KLHDC2: variants seen among roughly 807,000 people sequenced by gnomAD.
KLHDC2 encodes kelch domain-containing protein 2.
A neutral mutation model predicts 62.3 loss-of-function variants in KLHDC2; 38 were observed. The ratio of observed to expected loss-of-function variants is 0.61; its 90% CI spans 0.47 to 0.80. The LOEUF (loss-of-function observed/expected upper bound fraction) is 0.80, where lower values mean the gene tolerates loss of function less well. Ranked by LOEUF, KLHDC2 falls within the 30% of genes least tolerant of loss-of-function variation. The pLI is 0.00. For synonymous variants in KLHDC2, 159 were observed against 161.0 expected (o/e 0.99, Z 0.09); for missense variants, 430 against 495.3 (o/e 0.87, Z 1.25).
intron 2 of KLHDC2, among the ~76,000 whole-genome samples, chr14:49,772,810 G>A (rs140675355): frequency 5.4e-4 from 82 of 152,162 alleles, no homozygotes; most frequent in African/African-American, 2.0e-3. Context: ...ACAAAAATTA[G>A]CCAGGCATGA....
Position 49,784,768 on chromosome 14 carries a change from CT to C in KLHDC2, c.*1819del. ...ACATCCTGTATGGTCAATCATGTTTCTTTTATGACAAAAACGAAAAACATTT... is the reference window on the plus strand; with the variant it reads ...ACATCCTGTATGGTCAATCATGTTTCTTTATGACAAAAACGAAAAACATTT... On this transcript the variant is annotated 3_prime_UTR_variant, in exon 13 of 13. Transcript: ENST00000298307. The C allele has an allele frequency of 6.6e-7, 1 of 1,516,488 alleles. No homozygotes were observed. Among genetic ancestry groups the C allele is most frequent in the Non-Finnish European group, 9.1e-7 (1 of 1,102,498 alleles). 93.9% of individuals were successfully genotyped at this position (1,516,488 alleles called of 1,614,324 possible). A position where few individuals can be genotyped will look rare whatever the true frequency, so the allele number is the denominator to read the frequency against.
chr14:49,778,335 T>G (rs772404625), intron 5 of KLHDC2, 76 bp downstream of exon 5: 5 of 1,349,468 alleles, frequency 3.7e-6, no homozygotes, highest in Non-Finnish European at 5.2e-6. Flanking sequence ...TTGTGCATTT[T>G]TCTTTGGTAA....
intron 2 of KLHDC2, among the ~76,000 whole-genome samples, chr14:49,772,944 A>G (rs1336252414): frequency 6.6e-6 from 1 of 152,090 alleles, no homozygotes; most frequent in African/African-American, 2.4e-5. Context: ...TAATACAGTG[A>G]GACTCCCTCT....
chr14:49,773,107 A>G (rs1467135053), intron 2 of KLHDC2, among the ~76,000 whole-genome samples: 1 of 152,032 alleles, frequency 6.6e-6, no homozygotes, highest in East Asian at 1.9e-4. Flanking sequence ...AGAATGCTAC[A>G]TATTTTTAAA....
At chr14:49,779,367 A>G (rs1889839607) in intron 6 of KLHDC2, among the ~76,000 whole-genome samples, 1 of 152,256 alleles carries the variant, frequency 6.6e-6, no homozygotes, top group Non-Finnish European at 1.5e-5. Context: ...GAAAAAATAA[A>G]GCAGCCTATT....
intron 1 of KLHDC2, among the ~76,000 whole-genome samples, chr14:49,769,401 C>G (rs1426303952): frequency 2.0e-5 from 3 of 152,198 alleles, no homozygotes; most frequent in African/African-American, 7.2e-5. Flanking sequence ...AGTCCTACCA[C>G]AAAATTCCTC....
Position 49,774,827 on chromosome 14 carries a change from A to G in KLHDC2, c.351+149A>G. On this transcript the variant is annotated intron_variant, in intron 3 of 12. Coordinates refer to ENST00000298307, the MANE Select transcript of KLHDC2 (RefSeq NM_014315.3). Reference sequence around the variant, plus strand: ...TTATGATATGAATGTGCATTTTAGTATTTTGTGTGCCAATCTGTATTTACC... The same window carrying G: ...TTATGATATGAATGTGCATTTTAGTGTTTTGTGTGCCAATCTGTATTTACC... The G allele has an allele frequency of 7.1e-6, 5 of 699,438 alleles. No individual in the cohort carries two copies. In the South Asian group the frequency reaches 8.2e-5, roughly 11 times the overall value. The allele number at this position is 699,438 out of a possible 1,614,324, so 43.3% of individuals were successfully genotyped here.
chr14:49,784,050 G>A lies in KLHDC2; in HGVS notation c.*1097G>A. On this transcript the variant is annotated 3_prime_UTR_variant, in exon 13 of 13. Transcript: ENST00000298307. ...TCACTGTTCAGTTTCTTTACATCAT[G>A]AAATGAATACTTGGTATTAACCTCC... The A allele has an allele frequency of 6.6e-6, 1 of 151,592 alleles. No homozygotes were observed. The highest frequency in any genetic ancestry group is 1.9e-4 in the East Asian group (1 of 5,184). The allele number at this position is 151,592 out of a possible 1,614,324, so 9.4% of individuals were successfully genotyped here. A position where few individuals can be genotyped will look rare whatever the true frequency, so the allele number is the denominator to read the frequency against.
intron 3 of KLHDC2, 91 bp from the exon 4 acceptor site, chr14:49,777,748 G>A: frequency 1.4e-6 from 1 of 699,528 alleles, no homozygotes; most frequent in Non-Finnish European, 2.4e-6. Flanking sequence ...GAATTAGATG[G>A]CACTCTTATC....
At position 49,784,490 on chromosome 14, in the gene KLHDC2, GAAGT is replaced by G. The variant is rs533008873; in HGVS notation, c.*1542_*1545del. The G allele has an allele frequency of 1.5e-4, 92 of 598,760 alleles. 1 individual carries two copies. In the East Asian group the frequency reaches 2.1e-3, roughly 14 times the overall value. 37.1% of individuals were successfully genotyped at this position (598,760 alleles called of 1,614,324 possible). ...TCTATATAAAACTGGGAAAAAACAA[GAAGT>G]AAGTCCTTTTGGTGAATATAGCAAG... On this transcript the variant is annotated 3_prime_UTR_variant, in exon 13 of 13. Transcript: ENST00000298307.
At position 49,777,748 on chromosome 14, in the gene KLHDC2, G is replaced by C. The variant is rs953296397; in HGVS notation, c.352-91G>C. On this transcript the variant is annotated intron_variant, in intron 3 of 12. Transcript: ENST00000298307. The stretch of plus-strand genomic sequence containing the variant: ...AATTTCAGTAGCACTGAATTAGATG[G>C]CACTCTTATCATAAATCATAGTAAA... 4.3e-5 allele frequency: 30 copies of C among 699,528 alleles called. No homozygotes were observed. The Middle Eastern group carries it at 1.3e-3, about 30-fold the overall frequency. 43.3% of individuals were successfully genotyped at this position (699,528 alleles called of 1,614,324 possible). A position where few individuals can be genotyped will look rare whatever the true frequency, so the allele number is the denominator to read the frequency against.
In KLHDC2 at chr14:49,785,215, C is replaced by T; in HGVS notation, c.*2262C>T. On this transcript the variant is annotated 3_prime_UTR_variant, in exon 13 of 13. Coordinates refer to ENST00000298307, the MANE Select transcript of KLHDC2 (RefSeq NM_014315.3). ...AAGCCATTCTGTCAACTAATGGTAA[C>T]TTACTTGTAGTTTGTCATGGTGGTG... is the stretch of plus-strand genomic sequence containing the variant. The T allele has an allele frequency of 1.9e-6, 3 of 1,610,872 alleles. No individual in the cohort carries two copies. Among genetic ancestry groups the T allele is most frequent in the Non-Finnish European group, 2.5e-6 (3 of 1,177,112 alleles).
In KLHDC2 at chr14:49,771,682, G is replaced by A. The variant is rs1372056991; in HGVS notation, c.233+9G>A. The stretch of plus-strand genomic sequence containing the variant: ...ATGGAGACTGGAAGATGGTAAATGT[G>A]GATATTATAAGGGGGACTAAAAAAT... On this transcript the variant is annotated intron_variant, in intron 2 of 12. Coordinates refer to ENST00000298307, the MANE Select transcript of KLHDC2 (RefSeq NM_014315.3). 2 of 1,394,572 alleles carry A rather than the reference G, an allele frequency of 1.4e-6. No individual in the cohort carries two copies. Among genetic ancestry groups the A allele is most frequent in the East Asian group, 4.6e-5 (2 of 43,808 alleles). 86.4% of individuals were successfully genotyped at this position (1,394,572 alleles called of 1,614,324 possible).
intron 10 of KLHDC2, among the ~76,000 whole-genome samples, chr14:49,781,133 G>A (rs1433825750): frequency 2.0e-5 from 3 of 152,190 alleles, no homozygotes; most frequent in Non-Finnish European, 4.4e-5. Context: ...AGCACTTTAG[G>A]AGGCTGAGGC....
At chr14:49,770,312 A>G (rs2139788292) in intron 1 of KLHDC2, among the ~76,000 whole-genome samples, 1 of 152,290 alleles carries the variant, frequency 6.6e-6, no homozygotes, top group African/African-American at 2.4e-5. Flanking sequence ...ATTGTTTCAA[A>G]GGCAATAAAC....
In KLHDC2 at chr14:49,780,812, G is replaced by A. The variant is rs773954824; in HGVS notation, c.956+37G>A. 7.3e-5 allele frequency: 81 copies of A among 1,103,708 alleles called. No homozygotes were observed. The Admixed American group carries it at 1.3e-3, about 17-fold the overall frequency. The allele number at this position is 1,103,708 out of a possible 1,614,324, so 68.4% of individuals were successfully genotyped here. On this transcript the variant is annotated intron_variant, in intron 10 of 12. Coordinates refer to ENST00000298307, the MANE Select transcript of KLHDC2 (RefSeq NM_014315.3). ...CAATTCATATACTGAATATGCATAA[G>A]ACATAAGAATTGAGGTTTTGGCTGC... is the stretch of plus-strand genomic sequence containing the variant.
intron 6 of KLHDC2, among the ~76,000 whole-genome samples, chr14:49,779,321 GATATT>G (rs1480964999): frequency 6.6e-6 from 1 of 152,106 alleles, no homozygotes; most frequent in Non-Finnish European, 1.5e-5. Context: ...CTTTGACGCA[GATATT>G]ATATAATATG....
rs909118228 is a variant in KLHDC2, at chr14:49,771,515, T to A, written c.154-79T>A. Reference sequence around the variant, plus strand: ...TTTCATACTAATTATGAAATTAGTATCTCAAGATCGATTTAAAAAATACAG... The same window carrying A: ...TTTCATACTAATTATGAAATTAGTAACTCAAGATCGATTTAAAAAATACAG... On this transcript the variant is annotated intron_variant, in intron 1 of 12. Coordinates refer to ENST00000298307, the MANE Select transcript of KLHDC2 (RefSeq NM_014315.3). The A allele has an allele frequency of 5.8e-5, 40 of 688,184 alleles. No individual in the cohort carries two copies. The African/African-American group carries it at 6.8e-4, about 12-fold the overall frequency. 42.6% of individuals were successfully genotyped at this position (688,184 alleles called of 1,614,324 possible).
intron 3 of KLHDC2, among the ~76,000 whole-genome samples, chr14:49,775,287 G>T (rs765868094): frequency 2.6e-5 from 4 of 152,280 alleles, no homozygotes; most frequent in Non-Finnish European, 2.9e-5. Flanking sequence ...AGTCTATTAA[G>T]TTGGCAACTT....
Sources: allele counts gnomAD v4.1 joint callset (sites outside exome capture counted in the v4.1 genomes callset), GRCh38; gene constraint gnomAD v4.1.1; transcripts MANE v1.5; gene names NCBI Gene and HGNC (gene_info 2026-07-23, HGNC 2026-07-21).